Variants in BPTF observed in about 807,000 individuals in gnomAD.
BPTF encodes bromodomain PHD finger transcription factor, also known as nucleosome-remodeling factor subunit BPTF.
Under a neutral mutation model 292.5 loss-of-function variants are expected in BPTF, and 18 were observed. That is an observed-to-expected ratio of 0.06 (90% CI 0.04 to 0.09). The LOEUF is 0.09. Among genes scored for constraint, BPTF ranks in the 10% least tolerant of loss-of-function variants. BPTF has a pLI of 1.00. For missense variants in BPTF, 2,726 were observed against 3,498.7 expected, an observed-to-expected ratio of 0.78 and a Z score of 5.57; for synonymous variants, 1,225 against 1,251.9, an observed-to-expected ratio of 0.98 and a Z score of 0.45.
rs552529693 is a variant in BPTF, at chr17:67,931,933, G to A, written c.6173G>A (p.Arg2058His). 32 of 1,613,486 alleles carry A rather than the reference G, an allele frequency of 2.0e-5. 1 individual carries two copies. In the South Asian group the frequency reaches 2.6e-4, roughly 13 times the overall value. Residue 2058 changes from arginine (R) to histidine (H), a missense_variant, in exon 18 of 28, where the codon CGC becomes CAC. Arg to His is a conservative substitution (Grantham distance 29). Transcript: ENST00000306378. Reference protein sequence around the residue: ...NSQVITGPQIRPGMTVIRTPL... With the variant: ...NSQVITGPQIHPGMTVIRTPL... ...TAGGTAATCACAGGGCCTCAGATTC[G>A]CCCTGGTATGACCGTGATTAGAACA...
chr17:67,832,592 A>G (rs1486081078), intron 1 of BPTF, among the ~76,000 whole-genome samples: 2 of 152,060 alleles, frequency 1.3e-5, no homozygotes, highest in African/African-American at 4.8e-5. Context: ...GTACCCTTGT[A>G]AAGTATATAA....
Position 67,983,931 on chromosome 17 carries a change from A to G in BPTF, c.*1643A>G, listed in dbSNP as rs2070657327. On this transcript the variant is annotated 3_prime_UTR_variant, in exon 28 of 28. Transcript: ENST00000306378. The stretch of plus-strand genomic sequence containing the variant: ...AGGTTATTCTGGGTTAATTTTATCT[A>G]ATGAAGCCCATTCCTTTTTGTACAT... 6.6e-6 allele frequency: 1 copy of G among 152,576 alleles called. No homozygotes were observed. The highest frequency in any genetic ancestry group is 6.6e-5 in the Admixed American group (1 of 15,262). 9.5% of individuals were successfully genotyped at this position (152,576 alleles called of 1,614,324 possible).
intron 4 of BPTF, among the ~76,000 whole-genome samples, chr17:67,882,741 T>C (rs2060498354): frequency 1.3e-5 from 2 of 152,162 alleles, no homozygotes. Flanking sequence ...GCGTGGTGGC[T>C]GACGCCTGTA....
intron 4 of BPTF, chr17:67,886,391 G>GTGT: frequency 1.9e-6 from 2 of 1,039,214 alleles, no homozygotes; most frequent in Non-Finnish European, 1.3e-6. Flanking sequence ...GTGTGTGTGT[G>GTGT]GTTTTTTGCT....
At chr17:67,942,583 C>CA (rs1353749917) in intron 19 of BPTF, among the ~76,000 whole-genome samples, 4 of 152,150 alleles carry the variant, frequency 2.6e-5, no homozygotes, top group Non-Finnish European at 4.4e-5. Context: ...CTGGTAAAGT[C>CA]AAAGCTGTGT....
intron 5 of BPTF, among the ~76,000 whole-genome samples, chr17:67,892,363 T>A (rs1385562040): frequency 1.3e-5 from 2 of 152,154 alleles, no homozygotes; most frequent in African/African-American, 4.8e-5. Context: ...GGTTTTATGG[T>A]TTATTAAAGA....
At chr17:67,831,125 T>C (rs2056629416) in intron 1 of BPTF, among the ~76,000 whole-genome samples, 1 of 152,138 alleles carries the variant, frequency 6.6e-6, no homozygotes, top group African/African-American at 2.4e-5. Flanking sequence ...TAGATTCTCT[T>C]CTGCAGGATG....
intron 1 of BPTF, among the ~76,000 whole-genome samples, chr17:67,836,980 A>G (rs1407810886): frequency 1.3e-5 from 2 of 152,148 alleles, no homozygotes; most frequent in African/African-American, 4.8e-5. Flanking sequence ...TCTTCCAGGT[A>G]TATTGGTTTT....
intron 27 of BPTF, among the ~76,000 whole-genome samples, chr17:67,981,016 G>A (rs4790941): frequency 0.23 from 35,430 of 151,952 alleles, 4,727 homozygotes; most frequent in East Asian, 0.68. Flanking sequence ...AAAATTAGCC[G>A]GGCATGGTGG....
At chr17:67,936,977 C>T (rs922527311) in intron 18 of BPTF, among the ~76,000 whole-genome samples, 1 of 152,116 alleles carries the variant, frequency 6.6e-6, no homozygotes, top group Non-Finnish European at 1.5e-5. Context: ...TCAGTACTAC[C>T]TATGTGCCAG....
At chr17:67,860,341 T>G (rs1197112607) in intron 2 of BPTF, among the ~76,000 whole-genome samples, 1 of 152,192 alleles carries the variant, frequency 6.6e-6, no homozygotes, top group Non-Finnish European at 1.5e-5. Flanking sequence ...TTTAAAGCCA[T>G]GTAGAATTTT....
intron 23 of BPTF, among the ~76,000 whole-genome samples, chr17:67,953,632 A>G (rs1568166004): frequency 6.8e-6 from 1 of 147,474 alleles, no homozygotes; most frequent in Non-Finnish European, 1.5e-5. Context: ...CTGGAGTGCA[A>G]TAGCACGATC....
chr17:67,853,475 G>A (rs1030236814), intron 1 of BPTF, among the ~76,000 whole-genome samples: 2 of 152,194 alleles, frequency 1.3e-5, no homozygotes, highest in Non-Finnish European at 2.9e-5. Flanking sequence ...GTTGTTGACA[G>A]GCATTTCTGT....
At chr17:67,891,754 C>A in intron 4 of BPTF, 90 bp from the exon 5 acceptor site, 2 of 939,630 alleles carry the variant, frequency 2.1e-6, no homozygotes, top group Non-Finnish European at 3.0e-6. Flanking sequence ...GGATCTTACA[C>A]ATACACCAGA....
intron 1 of BPTF, among the ~76,000 whole-genome samples, chr17:67,845,591 T>A (rs1421659432): frequency 1.3e-5 from 2 of 152,060 alleles, no homozygotes; most frequent in Admixed American, 1.3e-4. Context: ...CTGGGCAATG[T>A]AGGGAGACCC....
At position 67,913,202 on chromosome 17, in the gene BPTF, A is replaced by C. The variant is rs774965654; in HGVS notation, c.5303+15A>C. 6.4e-7 allele frequency: 1 copy of C among 1,556,084 alleles called. No homozygotes were observed. Among genetic ancestry groups the C allele is most frequent in the Non-Finnish European group, 8.6e-7 (1 of 1,156,132 alleles). ...ATCACTTGGAGGTATGTACTTTAAA[A>C]TGTATTTGGGGGAGGGAGAAAATTT... On this transcript the variant is annotated intron_variant, in intron 11 of 27. Coordinates refer to ENST00000306378, the MANE Select transcript of BPTF (RefSeq NM_182641.4).
chr17:67,865,016 C>T lies in BPTF; in HGVS notation c.1437-1448C>T, dbSNP rs186494090. Among the ~76,000 whole-genome samples, 178 of 152,132 alleles carry T rather than the reference C, an allele frequency of 1.2e-3. 1 individual carries two copies. The highest frequency in any genetic ancestry group is 3.1e-3 in the Admixed American group (47 of 15,286). On this transcript the variant is annotated intron_variant, in intron 2 of 27. Transcript: ENST00000306378. Reference sequence around the variant, plus strand: ...AGAGACCGGGTTTCACCGTGTTAACCGGGATGGTCTCGATCTCCTGACCTT... The same window carrying T: ...AGAGACCGGGTTTCACCGTGTTAACTGGGATGGTCTCGATCTCCTGACCTT...
In BPTF at chr17:67,932,015, G is replaced by A. The variant is rs2064434381; in HGVS notation, c.6255G>A (p.Gln2085=). The change falls in exon 18 of 28, where the codon CAG becomes CAA. Residue 2085 remains glutamine, a synonymous_variant. Transcript: ENST00000306378. ...TTATTCGAACACCTGTGATGGTACAGCCAGGTATTTATCCATCCAGCATTA... is the reference window on the plus strand; with the variant it reads ...TTATTCGAACACCTGTGATGGTACAACCAGGTATTTATCCATCCAGCATTA... ...KAIIRTPVMV[Q]PGAPQQVMTQ... The A allele has an allele frequency of 6.2e-7, 1 of 1,610,054 alleles. No individual in the cohort carries two copies. Among genetic ancestry groups the A allele is most frequent in the South Asian group, 1.1e-5 (1 of 90,924 alleles).
chr17:67,826,594 C>T (rs561740154), intron 1 of BPTF, among the ~76,000 whole-genome samples: 142 of 146,934 alleles, frequency 9.7e-4, no homozygotes, highest in Admixed American at 2.6e-3. Flanking sequence ...CCCCCCAACC[C>T]CCTTTTTTTC....
Sources: gnomAD v4.1 joint callset for allele counts (sites outside exome capture counted in the v4.1 genomes callset) on GRCh38, gnomAD v4.1.1 for gene constraint, MANE v1.5 for transcripts, NCBI Gene and HGNC (gene_info 2026-07-23, HGNC 2026-07-21) for gene names.